ERICH1: variants seen among roughly 807,000 people sequenced by gnomAD.
ERICH1 encodes glutamate-rich protein 1.
Under a neutral mutation model 39.6 loss-of-function variants are expected in ERICH1, and 56 were observed. The ratio of observed to expected loss-of-function variants is 1.41; its 90% CI spans 1.14 to 1.77. The LOEUF is 1.77. ERICH1 is among the 40% of genes most tolerant of loss of function. The pLI, the probability that ERICH1 is intolerant of heterozygous loss-of-function variation, is 0.00. For missense variants in ERICH1, 826 were observed against 575.4 expected (o/e 1.44, Z -4.45); for synonymous variants, 313 against 223.6 (o/e 1.40, Z -3.57).
In ERICH1 at chr8:724,764, C is replaced by G. The variant is rs144384745; in HGVS notation, c.22+6376G>C. Among the ~76,000 whole-genome samples the G allele has an allele frequency of 4.2e-3, 635 of 152,326 alleles. 4 individuals carry two copies. The highest frequency in any genetic ancestry group is 0.014 in the African/African-American group (602 of 41,572). On this transcript the variant is annotated intron_variant, in intron 1 of 5. Coordinates refer to ENST00000262109, the MANE Select transcript of ERICH1 (RefSeq NM_207332.3). ...TGAATTCAGCCCAAAGAACTTGCAA[C>G]CCATAAGGGATTCCACACCGACAAG...
At chr8:636,490 G>A (rs752768344) in intron 3 of ERICH1, among the ~76,000 whole-genome samples, 7 of 152,204 alleles carry the variant, frequency 4.6e-5, no homozygotes, top group East Asian at 1.9e-4. Flanking sequence ...GCTCAGAATC[G>A]GGGCATCTGC....
chr8:686,534 A>C (rs185114565), intron 3 of ERICH1: 1 of 152,344 alleles, frequency 6.6e-6, no homozygotes, highest in East Asian at 1.9e-4. Context: ...CCCGGCACCC[A>C]CAGTCTTTAA....
intron 2 of ERICH1, among the ~76,000 whole-genome samples, chr8:715,484 T>C (rs1585620203): frequency 6.6e-6 from 1 of 152,044 alleles, no homozygotes; most frequent in East Asian, 1.9e-4. Flanking sequence ...TGTCCCTGAG[T>C]GGGCACAAGC....
At chr8:722,584 A>C (rs1817579872) in intron 1 of ERICH1, among the ~76,000 whole-genome samples, 1 of 152,238 alleles carries the variant, frequency 6.6e-6, no homozygotes, top group African/African-American at 2.4e-5. Flanking sequence ...GAACCTATTC[A>C]ATTCTAAACT....
At chr8:719,579 G>A (rs1325210073) in intron 1 of ERICH1, among the ~76,000 whole-genome samples, 2 of 152,188 alleles carry the variant, frequency 1.3e-5, no homozygotes, top group African/African-American at 4.8e-5. Context: ...GAGACACCGC[G>A]GGACCAGATC....
At chr8:706,327 C>T (rs1487218542) in intron 2 of ERICH1, among the ~76,000 whole-genome samples, 1 of 152,202 alleles carries the variant, frequency 6.6e-6, no homozygotes, top group African/African-American at 2.4e-5. Flanking sequence ...TGCATTTTCA[C>T]AGACAAACAC....
At chr8:726,189 C>A (rs1013978994) in intron 1 of ERICH1, among the ~76,000 whole-genome samples, 21 of 152,314 alleles carry the variant, frequency 1.4e-4, no homozygotes, top group African/African-American at 4.8e-4. Flanking sequence ...CAAATCTGAG[C>A]CAGCATCTTC....
At chr8:701,453 G>A (rs551302935) in intron 2 of ERICH1, among the ~76,000 whole-genome samples, 6 of 152,352 alleles carry the variant, frequency 3.9e-5, no homozygotes, top group Admixed American at 2.0e-4. Context: ...GGAACACGCC[G>A]TAGGATGGGA....
chr8:624,618 C>A (rs1176624479), intron 3 of ERICH1, among the ~76,000 whole-genome samples: 1 of 152,252 alleles, frequency 6.6e-6, no homozygotes, highest in East Asian at 1.9e-4. Context: ...AAGTCACAAT[C>A]CTGGCAGAAG....
At chr8:655,476 C>T (rs1032754247) in intron 3 of ERICH1, among the ~76,000 whole-genome samples, 21 of 152,308 alleles carry the variant, frequency 1.4e-4, no homozygotes, top group Non-Finnish European at 1.5e-5. Context: ...GTGTTCTGGA[C>T]GATGGTGCAC....
intron 3 of ERICH1, among the ~76,000 whole-genome samples, chr8:629,203 AG>A (rs1563166254): frequency 6.6e-6 from 1 of 152,158 alleles, no homozygotes; most frequent in Non-Finnish European, 1.5e-5. Context: ...AGCCACACTC[AG>A]GGCTTTATAG....
At chr8:659,997 C>A (rs552069924), downstream of ERICH1, among the ~76,000 whole-genome samples, 17 of 152,360 alleles carry the variant, frequency 1.1e-4, no homozygotes, top group African/African-American at 3.4e-4. Flanking sequence ...CTCAAGCCCC[C>A]CAAGGGAAGG....
Position 658,406 on chromosome 8 carries a change from C to T in ERICH1, c.976+10192G>A, listed in dbSNP as rs376488147. On this transcript the variant is annotated intron_variant, in intron 3 of 3. Coordinates refer to the ERICH1 transcript ENST00000522706. ...GGAAGGGGGTGGAGACACAAGGCCC[C>T]GAGTCCAGTCCAGTGTAAAGCAGGG... 5.3e-5 allele frequency among the ~76,000 whole-genome samples: 8 copies of T among 152,298 alleles called. No individual in the cohort carries two copies. The East Asian group carries it at 5.8e-4, about 11-fold the overall frequency.
chr8:708,417 T>G (rs1813796994), intron 2 of ERICH1, among the ~76,000 whole-genome samples: 1 of 152,150 alleles, frequency 6.6e-6, no homozygotes, highest in Non-Finnish European at 1.5e-5. Context: ...AACTGATGAA[T>G]GGAGAAACAA....
chr8:689,403 G>A (rs991954510), intron 3 of ERICH1, among the ~76,000 whole-genome samples: 2 of 152,208 alleles, frequency 1.3e-5, no homozygotes, highest in South Asian at 2.1e-4. Context: ...GAGCCACTGC[G>A]CCTGGCCTCA....
intron 3 of ERICH1, among the ~76,000 whole-genome samples, chr8:642,115 T>C (rs527742823): frequency 6.6e-6 from 1 of 152,238 alleles, no homozygotes; most frequent in South Asian, 2.1e-4. Flanking sequence ...GGTGAGCACA[T>C]GCAAAAAGGG....
Position 722,406 on chromosome 8 carries a change from C to T in ERICH1, c.23-6399G>A, listed in dbSNP as rs79337394. ...CTTTCACAGGGGAATTAAGTCACTT[C>T]GGTATAATTCTCAGAAAGGACTGCT... On this transcript the variant is annotated intron_variant, in intron 1 of 5. Coordinates refer to ENST00000262109, the MANE Select transcript of ERICH1 (RefSeq NM_207332.3). Among the ~76,000 whole-genome samples the T allele has an allele frequency of 5.4e-3, 818 of 152,218 alleles. 18 individuals carry two copies. Among genetic ancestry groups the T allele is most frequent in the Admixed American group, 0.039 (593 of 15,294 alleles).
intron 3 of ERICH1, among the ~76,000 whole-genome samples, chr8:651,871 TAAGAGA>T (rs1799999267): frequency 6.6e-6 from 1 of 152,220 alleles, no homozygotes; most frequent in African/African-American, 2.4e-5. Context: ...CCCCCTTGCT[TAAGAGA>T]AAGTGTGTTT....
chr8:693,382 T>C (rs1006442678), intron 2 of ERICH1, among the ~76,000 whole-genome samples: 2 of 152,234 alleles, frequency 1.3e-5, no homozygotes, highest in Admixed American at 6.5e-5. Context: ...AAATGACATA[T>C]TGTAACTTAA....
Sources: allele counts gnomAD v4.1 joint callset (sites outside exome capture counted in the v4.1 genomes callset), GRCh38; gene constraint gnomAD v4.1.1; transcripts MANE v1.5; gene names NCBI Gene and HGNC (gene_info 2026-07-23, HGNC 2026-07-21).